SAMD4A: variants seen among roughly 807,000 people sequenced by gnomAD.
SAMD4A encodes the protein sterile alpha motif domain containing 4A, also known as protein Smaug homolog 1.
Under a neutral mutation model 81.3 loss-of-function variants are expected in SAMD4A, and 33 were observed. The observed-to-expected ratio is 0.41, with a 90% confidence interval of 0.31 to 0.54. The LOEUF (loss-of-function observed/expected upper bound fraction) is 0.54. Ranked by LOEUF, SAMD4A falls within the 20% of genes least tolerant of loss-of-function variation. The probability of loss-of-function intolerance (pLI) is 0.37; values close to 1 mark genes in which losing one functional copy is unlikely to be tolerated. For synonymous variants in SAMD4A, 389 were observed against 382.1 expected, an observed-to-expected ratio of 1.02 and a Z score of -0.21; for missense variants, 854 against 951.1, an observed-to-expected ratio of 0.90 and a Z score of 1.34.
intron 10 of SAMD4A, among the ~76,000 whole-genome samples, 158 bp from the exon 11 acceptor site, chr14:54,776,256 T>C (rs765300791): frequency 3.9e-5 from 6 of 152,174 alleles, no homozygotes; most frequent in African/African-American, 7.2e-5. Context: ...CTAAACCCTC[T>C]CTCTATAAAT....
chr14:54,759,157 A>G (rs2038324519), intron 6 of SAMD4A, among the ~76,000 whole-genome samples: 1 of 152,232 alleles, frequency 6.6e-6, no homozygotes, highest in Non-Finnish European at 1.5e-5. Context: ...CATATATATT[A>G]TATTACAGTT....
intron 4 of SAMD4A, among the ~76,000 whole-genome samples, 177 bp downstream of exon 4, chr14:54,737,464 T>G (rs2037724971): frequency 6.6e-6 from 1 of 151,050 alleles, no homozygotes; most frequent in Non-Finnish European, 1.5e-5. Context: ...GGGCTCAGAT[T>G]CCCCTTCCAG....
chr14:54,773,706 A>T (rs2038764005), intron 9 of SAMD4A, among the ~76,000 whole-genome samples: 1 of 152,242 alleles, frequency 6.6e-6, no homozygotes, highest in Admixed American at 6.5e-5. Flanking sequence ...TGTGAAGTGA[A>T]GGCAGTCTGT....
intron 8 of SAMD4A, among the ~76,000 whole-genome samples, chr14:54,766,788 G>GC (rs2038556217): frequency 6.6e-6 from 1 of 152,172 alleles, no homozygotes; most frequent in Admixed American, 6.5e-5. Context: ...AGACAGCTGA[G>GC]CCCATGAGAC....
At chr14:54,709,640 T>G (rs930363300) in intron 3 of SAMD4A, among the ~76,000 whole-genome samples, 1 of 152,158 alleles carries the variant, frequency 6.6e-6, no homozygotes, top group African/African-American at 2.4e-5. Context: ...AAGGGTATGC[T>G]GACTAAGAAC....
chr14:54,650,667 TC>T (rs1370895116), intron 2 of SAMD4A, among the ~76,000 whole-genome samples: 17 of 152,182 alleles, frequency 1.1e-4, no homozygotes, highest in Non-Finnish European at 5.9e-5. Flanking sequence ...ACCAGTTCCA[TC>T]CCGTGATAGT....
intron 10 of SAMD4A, 126 bp from the exon 11 acceptor site, chr14:54,776,288 T>TGCAA (rs1322247252): frequency 4.0e-6 from 4 of 994,624 alleles, no homozygotes; most frequent in Non-Finnish European, 5.8e-6. Context: ...AGCACTGGCC[T>TGCAA]GCAAGCCCCT....
intron 2 of SAMD4A, chr14:54,652,614 A>G (rs1353587712): frequency 1.3e-5 from 2 of 152,092 alleles, no homozygotes; most frequent in African/African-American, 4.8e-5. Flanking sequence ...TGTAATCAAA[A>G]TGTTCTATTT....
intron 2 of SAMD4A, among the ~76,000 whole-genome samples, chr14:54,675,803 C>T (rs947743171): frequency 1.3e-5 from 2 of 152,176 alleles, no homozygotes; most frequent in African/African-American, 2.4e-5. Context: ...TTTTAATACT[C>T]TGTGGTTATG....
intron 2 of SAMD4A, among the ~76,000 whole-genome samples, chr14:54,578,706 CATCTTAAA>C (rs1368206737): frequency 6.6e-6 from 1 of 151,172 alleles, no homozygotes; most frequent in African/African-American, 2.4e-5. Flanking sequence ...AGCGAGACTC[CATCTTAAA>C]AAAATAAAAA....
At chr14:54,667,108 A>G (rs1057106945) in intron 2 of SAMD4A, among the ~76,000 whole-genome samples, 1 of 152,130 alleles carries the variant, frequency 6.6e-6, no homozygotes, top group African/African-American at 2.4e-5. Flanking sequence ...CACCTATTTA[A>G]TTTTTAATTT....
rs867219994 is a variant in SAMD4A at position 54,764,317 on chromosome 14, G to A, written c.1511-138G>A. ...CTTCTGTGGAATGAGGAGCCTCTTG[G>A]CCTTTTTTGTGAGCCTTACATAAAG... On this transcript the variant is annotated intron_variant, in intron 7 of 12. Transcript: ENST00000554335. The A allele has an allele frequency of 2.0e-5, 13 of 651,362 alleles. No individual in the cohort carries two copies. The Middle Eastern group carries it at 9.3e-4, about 46-fold the overall frequency. 40.3% of individuals were successfully genotyped at this position (651,362 alleles called of 1,614,324 possible).
At chr14:54,724,198 G>A (rs948955980) in intron 3 of SAMD4A, among the ~76,000 whole-genome samples, 4 of 152,164 alleles carry the variant, frequency 2.6e-5, no homozygotes, top group East Asian at 3.8e-4. Context: ...TTTGAATATC[G>A]ATTGTTCAGA....
At chr14:54,743,343 G>A (rs1424808318) in intron 4 of SAMD4A, among the ~76,000 whole-genome samples, 1 of 152,212 alleles carries the variant, frequency 6.6e-6, no homozygotes, top group African/African-American at 2.4e-5. Context: ...TGACCCACAG[G>A]GATGAGTGCC....
At position 54,742,952 on chromosome 14, in the gene SAMD4A, A is replaced by G. The variant is rs142985875; in HGVS notation, c.979+5665A>G. 5.7e-4 allele frequency among the ~76,000 whole-genome samples: 87 copies of G among 152,346 alleles called. 1 individual carries two copies. The highest frequency in any genetic ancestry group is 3.1e-3 in the Admixed American group (47 of 15,308). Reference sequence around the variant, plus strand: ...TTTTTCTCTCTGTAGTAAAGGAAATATGTGGTCTACTCTGAAATAGCGGGT... The same window carrying G: ...TTTTTCTCTCTGTAGTAAAGGAAATGTGTGGTCTACTCTGAAATAGCGGGT... On this transcript the variant is annotated intron_variant, in intron 4 of 12. Transcript: ENST00000554335.
At chr14:54,748,632 G>A (rs531193869) in intron 4 of SAMD4A, among the ~76,000 whole-genome samples, 183 bp from the exon 5 acceptor site, 29 of 152,226 alleles carry the variant, frequency 1.9e-4, no homozygotes, top group African/African-American at 6.7e-4. Flanking sequence ...GGAATGTCAG[G>A]GCTAGCCTGA....
intron 2 of SAMD4A, among the ~76,000 whole-genome samples, chr14:54,577,230 C>T (rs187899757): frequency 1.2e-4 from 18 of 152,332 alleles, no homozygotes; most frequent in African/African-American, 4.3e-4. Context: ...GGTACTGAGT[C>T]CCTGTACTTT....
intron 2 of SAMD4A, among the ~76,000 whole-genome samples, chr14:54,580,248 T>C (rs1056762247): frequency 6.6e-6 from 1 of 152,160 alleles, no homozygotes; most frequent in Non-Finnish European, 1.5e-5. Context: ...GAATGACTTC[T>C]TGTGCTGGAA....
intron 4 of SAMD4A, among the ~76,000 whole-genome samples, chr14:54,741,380 G>A (rs1426136810): frequency 2.6e-5 from 4 of 152,160 alleles, no homozygotes; most frequent in African/African-American, 7.2e-5. Flanking sequence ...AACCCAACAC[G>A]CTAAGACTTA....
Sources: allele counts gnomAD v4.1 joint callset (sites outside exome capture counted in the v4.1 genomes callset), GRCh38; gene constraint gnomAD v4.1.1; transcripts MANE v1.5; gene names NCBI Gene and HGNC (gene_info 2026-07-23, HGNC 2026-07-21).